L3MBTL4: variants seen among roughly 807,000 people sequenced by gnomAD.
The protein encoded by L3MBTL4 is L3MBTL histone methyl-lysine binding protein 4.
L3MBTL4 carries 70 observed loss-of-function variants against 84.5 expected under a neutral mutation model. That is an observed-to-expected ratio of 0.83 (90% CI 0.68 to 1.01). L3MBTL4 has a LOEUF of 1.01. Ranked by LOEUF, L3MBTL4 falls within the 50% of genes least tolerant of loss-of-function variation. The probability of loss-of-function intolerance (pLI) is 0.00; values close to 1 mark genes in which losing one functional copy is unlikely to be tolerated. For missense variants in L3MBTL4, 715 were observed against 754.8 expected (o/e 0.95, Z 0.62); for synonymous variants, 274 against 259.8 (o/e 1.05, Z -0.52).
At chr18:6,413,741 A>G (rs1247843346) in intron 1 of L3MBTL4, among the ~76,000 whole-genome samples, 3 of 152,230 alleles carry the variant, frequency 2.0e-5, no homozygotes, top group Admixed American at 2.0e-4. Context: ...AGTCTTCAGC[A>G]TGGGAATGGC....
At chr18:6,126,825 T>C (rs1309579576) in intron 14 of L3MBTL4, among the ~76,000 whole-genome samples, 1 of 152,248 alleles carries the variant, frequency 6.6e-6, no homozygotes, top group Non-Finnish European at 1.5e-5. Flanking sequence ...AATTAAAAGG[T>C]TCTTTAAAAT....
At chr18:6,387,920 G>A (rs1457380495) in intron 1 of L3MBTL4, among the ~76,000 whole-genome samples, 1 of 152,178 alleles carries the variant, frequency 6.6e-6, no homozygotes, top group Non-Finnish European at 1.5e-5. Context: ...TCAACAAAAA[G>A]TGTATAAAAG....
At chr18:6,155,057 T>C (rs113636967) in intron 13 of L3MBTL4, among the ~76,000 whole-genome samples, 1 of 152,110 alleles carries the variant, frequency 6.6e-6, no homozygotes, top group Admixed American at 6.5e-5. Flanking sequence ...TTTGGAACAA[T>C]AAAAGCTTTT....
At chr18:6,350,646 A>G (rs1488838781) in intron 1 of L3MBTL4, among the ~76,000 whole-genome samples, 2 of 152,198 alleles carry the variant, frequency 1.3e-5, no homozygotes, top group Non-Finnish European at 2.9e-5. Flanking sequence ...TGGTACAGCC[A>G]CTATAGAAAA....
At chr18:5,984,940 A>C (rs368090019) in intron 16 of L3MBTL4, among the ~76,000 whole-genome samples, 1 of 152,058 alleles carries the variant, frequency 6.6e-6, no homozygotes, top group Admixed American at 6.6e-5. Context: ...GCCTCAAACT[A>C]TGCTGTCTTA....
chr18:6,231,809 G>C (rs928094831), intron 10 of L3MBTL4, among the ~76,000 whole-genome samples: 2 of 151,412 alleles, frequency 1.3e-5, no homozygotes, highest in Non-Finnish European at 3.0e-5. Flanking sequence ...TTTATGTTAG[G>C]GTTATCTACA....
chr18:6,237,127 T>A (rs932038000), intron 10 of L3MBTL4, among the ~76,000 whole-genome samples: 5 of 152,164 alleles, frequency 3.3e-5, no homozygotes, highest in Non-Finnish European at 7.3e-5. Flanking sequence ...ATAACATTTC[T>A]GTAATGAAAA....
At chr18:6,310,906 T>G (rs146761864) in intron 3 of L3MBTL4, among the ~76,000 whole-genome samples, 1 of 152,186 alleles carries the variant, frequency 6.6e-6, no homozygotes, top group Non-Finnish European at 1.5e-5. Flanking sequence ...TAGATCACTC[T>G]GTAATGAGGG....
intron 1 of L3MBTL4, among the ~76,000 whole-genome samples, chr18:6,335,944 C>A (rs917376243): frequency 2.6e-5 from 4 of 152,174 alleles, no homozygotes; most frequent in Admixed American, 1.3e-4. Flanking sequence ...CGGACTAATA[C>A]AAGCTGTATG....
At chr18:6,368,770 G>A (rs998779571) in intron 1 of L3MBTL4, among the ~76,000 whole-genome samples, 1 of 152,122 alleles carries the variant, frequency 6.6e-6, no homozygotes. Context: ...GGCTGGGTGT[G>A]GTGGCTCACG....
chr18:6,132,126 C>A (rs560375956), intron 14 of L3MBTL4, among the ~76,000 whole-genome samples: 2 of 152,258 alleles, frequency 1.3e-5, no homozygotes, highest in East Asian at 3.9e-4. Flanking sequence ...TCCTTGAATA[C>A]AAGGAATTTT....
At chr18:6,101,122 C>G (rs1450632538) in intron 14 of L3MBTL4, among the ~76,000 whole-genome samples, 3 of 152,140 alleles carry the variant, frequency 2.0e-5, no homozygotes, top group African/African-American at 7.2e-5. Context: ...GCTACACTGC[C>G]CCTTTGCTGG....
intron 5 of L3MBTL4, among the ~76,000 whole-genome samples, chr18:6,255,690 T>C (rs1484126431): frequency 6.6e-6 from 1 of 151,690 alleles, no homozygotes; most frequent in African/African-American, 2.4e-5. Context: ...CAGTATTCTT[T>C]CAAAAAATGC....
intron 16 of L3MBTL4, among the ~76,000 whole-genome samples, chr18:6,016,976 G>A (rs976777030): frequency 6.6e-6 from 1 of 151,778 alleles, no homozygotes; most frequent in Non-Finnish European, 1.5e-5. Flanking sequence ...TCAGGGCAGA[G>A]CTGAGCAGAG....
intron 16 of L3MBTL4, among the ~76,000 whole-genome samples, chr18:6,022,672 A>G (rs1432555181): frequency 6.6e-6 from 1 of 152,230 alleles, no homozygotes; most frequent in Non-Finnish European, 1.5e-5. Context: ...TAAGGTGTAT[A>G]TTTTAATTTG....
intron 13 of L3MBTL4, among the ~76,000 whole-genome samples, chr18:6,155,928 C>T (rs2043084247): frequency 6.6e-6 from 1 of 152,112 alleles, no homozygotes; most frequent in South Asian, 2.1e-4. Flanking sequence ...AAGGATACCT[C>T]TACTTGTAAA....
chr18:6,181,383 T>C (rs1384521289), intron 12 of L3MBTL4, among the ~76,000 whole-genome samples: 1 of 152,046 alleles, frequency 6.6e-6, no homozygotes, highest in Non-Finnish European at 1.5e-5. Flanking sequence ...TGGAGTGCAG[T>C]GGCACTGTCT....
chr18:6,155,119 G>C (rs1412813175), intron 13 of L3MBTL4, among the ~76,000 whole-genome samples: 2 of 152,168 alleles, frequency 1.3e-5, no homozygotes, highest in African/African-American at 4.8e-5. Context: ...ATGTGGATTA[G>C]TCAAGGAGAA....
intron 13 of L3MBTL4, among the ~76,000 whole-genome samples, chr18:6,162,712 T>A (rs535316624): frequency 6.6e-6 from 1 of 152,328 alleles, no homozygotes; most frequent in East Asian, 1.9e-4. Context: ...ATGTGACTCC[T>A]CTGTAGAGCA....
Sources: allele counts gnomAD v4.1 joint callset (sites outside exome capture counted in the v4.1 genomes callset), GRCh38; gene constraint gnomAD v4.1.1; transcripts MANE v1.5; gene names NCBI Gene and HGNC (gene_info 2026-07-23, HGNC 2026-07-21).